The following SLIT3 variants were observed in gnomAD, a reference collection of about 807,000 sequenced individuals.
SLIT3 encodes slit guidance ligand 3.
A neutral mutation model predicts 184.0 loss-of-function variants in SLIT3; 68 were observed. The ratio of observed to expected loss-of-function variants is 0.37; its 90% CI spans 0.30 to 0.45. The LOEUF (loss-of-function observed/expected upper bound fraction) is 0.45. Among genes scored for constraint, SLIT3 ranks in the 20% least tolerant of loss-of-function variants. The pLI is 1.00. For synonymous variants in SLIT3, 831 were observed against 828.6 expected, an observed-to-expected ratio of 1.00 and a Z score of -0.05; for missense variants, 1,707 against 2,026.0, an observed-to-expected ratio of 0.84 and a Z score of 3.02.
intron 2 of SLIT3, among the ~76,000 whole-genome samples, chr5:169,247,215 C>CAAA (rs34569490): frequency 8.1e-6 from 1 of 124,206 alleles, no homozygotes; most frequent in Non-Finnish European, 1.8e-5. Flanking sequence ...GACTCTGTCT[C>CAAA]AAAAAAAAAA....
At chr5:169,227,086 T>C (rs1764840096) in intron 3 of SLIT3, among the ~76,000 whole-genome samples, 4 of 151,894 alleles carry the variant, frequency 2.6e-5, no homozygotes, top group African/African-American at 9.7e-5. Context: ...TACAAGATAA[T>C]GGATAAGTGG....
At chr5:168,727,794 C>T (rs960179568) in intron 20 of SLIT3, among the ~76,000 whole-genome samples, 12 of 152,166 alleles carry the variant, frequency 7.9e-5, no homozygotes, top group Non-Finnish European at 4.4e-5. Context: ...GGTATGTATC[C>T]AGCTTATTCC....
intron 32 of SLIT3, among the ~76,000 whole-genome samples, chr5:168,675,254 A>G (rs1761371252): frequency 6.6e-6 from 1 of 152,096 alleles, no homozygotes. Flanking sequence ...TCCCTGACAA[A>G]TCCTTGTTGG....
At chr5:168,795,372 C>G (rs139581700) in intron 10 of SLIT3, 135 bp downstream of exon 10, 4 of 702,654 alleles carry the variant, frequency 5.7e-6, no homozygotes, top group African/African-American at 3.5e-5. Context: ...CTTAGGACAG[C>G]GTTCCAGGTC....
chr5:168,950,155 C>T (rs566659877), intron 4 of SLIT3, among the ~76,000 whole-genome samples: 36 of 150,296 alleles, frequency 2.4e-4, no homozygotes, highest in African/African-American at 8.1e-4. Flanking sequence ...GGGAGGAATG[C>T]TCATGAATGA....
At chr5:168,952,707 G>A (rs1762701388) in intron 4 of SLIT3, among the ~76,000 whole-genome samples, 2 of 152,162 alleles carry the variant, frequency 1.3e-5, no homozygotes, top group African/African-American at 4.8e-5. Context: ...CCATGAATGG[G>A]CTGACCCAAT....
intron 23 of SLIT3, among the ~76,000 whole-genome samples, chr5:168,714,640 C>T (rs1762662913): frequency 6.6e-6 from 1 of 152,124 alleles, no homozygotes; most frequent in Admixed American, 6.5e-5. Context: ...ACTAGGACAA[C>T]TCATTAAATC....
chr5:169,224,381 A>AT (rs869158115), intron 3 of SLIT3, among the ~76,000 whole-genome samples: 105 of 74,808 alleles, frequency 1.4e-3, no homozygotes, highest in East Asian at 3.8e-3. Context: ...TTATTTATTT[A>AT]TTTATTTTTT....
intron 4 of SLIT3, among the ~76,000 whole-genome samples, chr5:169,127,853 G>C (rs1011615583): frequency 1.3e-5 from 2 of 152,098 alleles, no homozygotes; most frequent in Non-Finnish European, 2.9e-5. Flanking sequence ...CTAACAAGAA[G>C]GGTTTTTCCT....
intron 6 of SLIT3, among the ~76,000 whole-genome samples, chr5:168,828,827 G>A (rs917982188): frequency 6.6e-5 from 10 of 152,130 alleles, no homozygotes; most frequent in African/African-American, 1.7e-4. Context: ...ATGCAAGTTC[G>A]TGTTGGAAAA....
chr5:168,856,763 CCT>C (rs1209971705), intron 5 of SLIT3, among the ~76,000 whole-genome samples: 2 of 125,398 alleles, frequency 1.6e-5, no homozygotes, highest in African/African-American at 6.3e-5. Flanking sequence ...AAGCTGAGTT[CCT>C]CGTGTGTGTG....
rs4042723 is a variant in SLIT3, at chr5:169,189,527, GATATAT to G, written c.413+3946_413+3951del. ...ACAGTACTGCTTCTTAGATAGATGG[GATATAT>G]ATATATATATATATATATATATATA... On this transcript the variant is annotated intron_variant, in intron 4 of 35. Coordinates refer to ENST00000519560, the MANE Select transcript of SLIT3 (RefSeq NM_003062.4). 6.6e-3 allele frequency among the ~76,000 whole-genome samples: 525 copies of G among 79,964 alleles called. 6 individuals carry two copies. The highest frequency in any genetic ancestry group is 9.4e-3 in the Middle Eastern group (1 of 106). The allele number at this position is 79,964 out of a possible 152,430, so 52.5% of individuals were successfully genotyped here.
chr5:169,262,476 G>C (rs977697904), intron 1 of SLIT3, among the ~76,000 whole-genome samples: 1 of 152,168 alleles, frequency 6.6e-6, no homozygotes, highest in Admixed American at 6.5e-5. Flanking sequence ...AAAGGTCCAG[G>C]TGACGGCAGC....
At chr5:168,888,013 C>A (rs1041699173) in intron 4 of SLIT3, among the ~76,000 whole-genome samples, 2 of 152,134 alleles carry the variant, frequency 1.3e-5, no homozygotes, top group African/African-American at 4.8e-5. Context: ...ATTCTAGATT[C>A]TTTTGGATAA....
intron 1 of SLIT3, among the ~76,000 whole-genome samples, chr5:169,294,423 C>T (rs894291401): frequency 2.1e-5 from 2 of 94,744 alleles, no homozygotes; most frequent in Non-Finnish European, 4.0e-5. Flanking sequence ...GAACAGAAGC[C>T]AACCTGGGCT....
intron 13 of SLIT3, among the ~76,000 whole-genome samples, chr5:168,773,542 C>T (rs1452119125): frequency 6.6e-6 from 1 of 152,102 alleles, no homozygotes; most frequent in African/African-American, 2.4e-5. Flanking sequence ...TCTCTGGCTA[C>T]AGAGGCAACA....
At chr5:168,754,157 C>A (rs921978604) in intron 16 of SLIT3, 150 bp from the exon 17 acceptor site, 2 of 768,810 alleles carry the variant, frequency 2.6e-6, no homozygotes, top group Non-Finnish European at 4.1e-6. Flanking sequence ...CTGGGGCTCC[C>A]TGAACTTTGG....
At chr5:169,039,224 G>T (rs115189894) in intron 4 of SLIT3, among the ~76,000 whole-genome samples, 1 of 152,130 alleles carries the variant, frequency 6.6e-6, no homozygotes, top group South Asian at 2.1e-4. Context: ...TTACCCTGAG[G>T]GGGTACAGGC....
intron 4 of SLIT3, among the ~76,000 whole-genome samples, chr5:169,035,275 A>T (rs1757194700): frequency 6.6e-6 from 1 of 152,164 alleles, no homozygotes; most frequent in Admixed American, 6.5e-5. Context: ...TAACAGTAGT[A>T]GTAAGAGTAA....
Sources: gnomAD v4.1 joint callset for allele counts (sites outside exome capture counted in the v4.1 genomes callset) on GRCh38, gnomAD v4.1.1 for gene constraint, MANE v1.5 for transcripts, NCBI Gene and HGNC (gene_info 2026-07-23, HGNC 2026-07-21) for gene names.